SH3D21: variants seen among roughly 807,000 people sequenced by gnomAD.
SH3D21 encodes the protein SH3 domain-containing protein 21.
Under a neutral mutation model 82.1 loss-of-function variants are expected in SH3D21, and 83 were observed. The observed-to-expected ratio is 1.01, with a 90% CI of 0.85 to 1.21. The LOEUF (loss-of-function observed/expected upper bound fraction) is 1.21, where lower values mean the gene tolerates loss of function less well. Ranked by LOEUF, SH3D21 falls within the 50% of genes most tolerant of loss-of-function variation. The probability of loss-of-function intolerance (pLI) is 0.00; values close to 1 mark genes in which losing one functional copy is unlikely to be tolerated. For missense variants in SH3D21, 980 were observed against 962.1 expected (o/e 1.02, Z -0.25); for synonymous variants, 383 against 387.8 (o/e 0.99, Z 0.15).
At position 36,320,689 on chromosome 1, in the gene SH3D21, G is replaced by C. The variant is rs759963988; in HGVS notation, c.2026G>C (p.Val676Leu). The C allele has an allele frequency of 6.2e-7, 1 of 1,614,212 alleles. No homozygotes were observed. The highest frequency in any genetic ancestry group is 2.2e-5 in the East Asian group (1 of 44,890). Residue 676 changes from valine to leucine, a missense_variant, in exon 14 of 16, where the codon GTC (valine) becomes CTC (leucine). Physicochemically the swap from Val to Leu is conservative, Grantham distance 32 (BLOSUM62 1). Coordinates refer to ENST00000453908, the MANE Select transcript of SH3D21 (RefSeq NM_001162530.2). Reference protein sequence around the residue: ...SQETLALPSLVPQNYTENKNE... With the variant: ...SQETLALPSLLPQNYTENKNE... Reference sequence around the variant, plus strand: ...AGAGACGCTCGCGCTCCCCTCGCTGGTCCCGCAAAACTACACGGAAAACAA... The same window carrying C: ...AGAGACGCTCGCGCTCCCCTCGCTGCTCCCGCAAAACTACACGGAAAACAA...
At position 36,319,540 on chromosome 1, in the gene SH3D21, A is replaced by G; in HGVS notation, c.1011+4A>G. ...GCAACGCTCTGTGTCCAGTCAGGTG[A>G]GGGGCGGGAGACATGGGAGAGTGGG... On this transcript the variant is annotated splice_donor_region_variant and intron_variant, in intron 13 of 15. Coordinates refer to ENST00000453908, the MANE Select transcript of SH3D21 (RefSeq NM_001162530.2). 6.4e-7 allele frequency: 1 copy of G among 1,551,640 alleles called. No individual in the cohort carries two copies. The highest frequency in any genetic ancestry group is 8.7e-7 in the Non-Finnish European group (1 of 1,146,974).
chr1:36,327,173 G>A (rs1646553839), downstream of SH3D21, among the ~76,000 whole-genome samples: 1 of 94,056 alleles, frequency 1.1e-5, no homozygotes, highest in Admixed American at 1.4e-4. Context: ...GCTGAGAGGT[G>A]AAGATGAGGC....
downstream of SH3D21, among the ~76,000 whole-genome samples, chr1:36,325,527 G>A (rs1646533164): frequency 6.6e-6 from 1 of 151,990 alleles, no homozygotes; most frequent in East Asian, 1.9e-4. Context: ...AGAATACTGA[G>A]GGACAGTTTT....
chr1:36,322,220 C>A, downstream of SH3D21: 1 of 1,406,678 alleles, frequency 7.1e-7, no homozygotes, highest in Non-Finnish European at 9.2e-7. Context: ...CGAGGCAGTC[C>A]GAAGGTGTGG....
At position 36,306,936 on chromosome 1, in the gene SH3D21, G is replaced by A. The variant is rs562985572; in HGVS notation, c.226+31G>A. ...CGCAAGGGCGGGGACGGGCGCCGGT[G>A]GGCGGGTGCACGGAGCCAGTGCGAC... is the stretch of plus-strand genomic sequence containing the variant. On this transcript the variant is annotated intron_variant, in intron 3 of 15. Coordinates refer to ENST00000453908, the MANE Select transcript of SH3D21 (RefSeq NM_001162530.2). The surrounding 1 kb of genome is among the most constrained non-coding windows in gnomAD (Gnocchi z 4.5). The A allele has an allele frequency of 6.6e-4, 884 of 1,334,796 alleles. 3 individuals carry two copies. Among genetic ancestry groups the A allele is most frequent in the Non-Finnish European group, 6.9e-4 (714 of 1,029,600 alleles). The allele number at this position is 1,334,796 out of a possible 1,614,324, so 82.7% of individuals were successfully genotyped here.
At position 36,320,972 on chromosome 1, in the gene SH3D21, G is replaced by T; in HGVS notation, c.2193G>T (p.Arg731=). The change falls in exon 15 of 16, where the codon CGG becomes CGT. Residue 731 remains arginine, a synonymous_variant. Coordinates refer to ENST00000453908, the MANE Select transcript of SH3D21 (RefSeq NM_001162530.2). ...AGAGCGAGAAGGAGCAGCGCCGGCG[G>T]CTGGAGGTGAGGCGCGGGTCCCGGC... ...ELKSEKEQRR[R]LEVQVMQGTQ... 6.4e-7 allele frequency: 1 copy of T among 1,571,694 alleles called. No individual in the cohort carries two copies. The highest frequency in any genetic ancestry group is 1.2e-5 in the South Asian group (1 of 86,324).
rs966205694 is a variant in SH3D21, at chr1:36,306,886, G to A, written c.207G>A (p.Pro69=). The A allele has an allele frequency of 7.7e-6, 10 of 1,306,672 alleles. No individual in the cohort carries two copies. In the Admixed American group the frequency reaches 2.1e-4, roughly 27 times the overall value. The allele number at this position is 1,306,672 out of a possible 1,614,324, so 80.9% of individuals were successfully genotyped here. Residue 69 remains proline (P), a synonymous_variant, in exon 3 of 16, where the codon CCG becomes CCA. Coordinates refer to ENST00000453908, the MANE Select transcript of SH3D21 (RefSeq NM_001162530.2). The surrounding 1 kb of genome is among the most constrained non-coding windows in gnomAD (Gnocchi z 4.5). ...GGGGCTCCGGAGAGGCGCGGAGGCC[G>A]CGCTGTGCGCGCCGCCGAGGTGAGC... The part of the protein sequence containing the change: ...TLRGSGEARR[P]RCARRRGHPA...
Position 36,312,315 on chromosome 1 carries a change from A to G in SH3D21, c.769+2725A>G, listed in dbSNP as rs189890266. ...TGGGATTACAGGCGTGAGCCACCGC[A>G]CACGGCCATAAGACCATAATTTTCA... On this transcript the variant is annotated intron_variant, in intron 10 of 15. Transcript: ENST00000453908. 2.3e-3 allele frequency among the ~76,000 whole-genome samples: 353 copies of G among 152,290 alleles called. 2 individuals carry two copies. The highest frequency in any genetic ancestry group is 1.5e-3 in the Non-Finnish European group (100 of 68,026).
intron 9 of SH3D21, among the ~76,000 whole-genome samples, chr1:36,308,890 G>A (rs915435389): frequency 2.6e-5 from 4 of 151,892 alleles, no homozygotes; most frequent in South Asian, 4.2e-4. Flanking sequence ...GGCGGAGGTT[G>A]CAGTGAGCCG....
At chr1:36,316,190 G>T (rs1646339676) in intron 10 of SH3D21, among the ~76,000 whole-genome samples, 2 of 152,118 alleles carry the variant, frequency 1.3e-5, no homozygotes, top group East Asian at 3.9e-4. Flanking sequence ...GCAGGCCTTA[G>T]TAGAAGAAGA....
In SH3D21 at chr1:36,308,705, C is replaced by T. The variant is rs150481895; in HGVS notation, c.726+230C>T. Among the ~76,000 whole-genome samples, 364 of 152,254 alleles carry T rather than the reference C, an allele frequency of 2.4e-3. 1 individual carries two copies. The highest frequency in any genetic ancestry group is 8.4e-3 in the African/African-American group (350 of 41,544). ...TTTTGCATATACATGAGATAGCTGC[C>T]GGGTACGGTGGCTCACGCCTGTAAT... is the stretch of plus-strand genomic sequence containing the variant. On this transcript the variant is annotated intron_variant, in intron 9 of 15. Transcript: ENST00000453908.
At chr1:36,322,961 C>T, downstream of SH3D21, 1 of 1,606,352 alleles carries the variant, frequency 6.2e-7, no homozygotes, top group Non-Finnish European at 8.5e-7. Flanking sequence ...CTTCCGGCGC[C>T]CGCCCTCACC....
At chr1:36,329,617 C>T (rs138672966), downstream of SH3D21, among the ~76,000 whole-genome samples, 16 of 152,188 alleles carry the variant, frequency 1.1e-4, no homozygotes, top group African/African-American at 3.1e-4. Context: ...GAAAGATTCC[C>T]GCCCTTATTC....
rs759113126 is a variant in SH3D21 at position 36,321,161 on chromosome 1, G to A, written c.*34G>A. On this transcript the variant is annotated 3_prime_UTR_variant, in exon 16 of 16. Transcript: ENST00000453908. This position sits in a 1 kb window ranked among gnomAD's most constrained non-coding sequence, Gnocchi z 6.1. ...CTGGGAAGGGACCGCGGCCTGACCT[G>A]GCTGGGGCCACCCACGTCCTTGCAC... 6.2e-7 allele frequency: 1 copy of A among 1,601,272 alleles called. No individual in the cohort carries two copies. Among genetic ancestry groups the A allele is most frequent in the South Asian group, 1.1e-5 (1 of 89,186 alleles).
chr1:36,314,136 C>T (rs1646297769), intron 10 of SH3D21, among the ~76,000 whole-genome samples: 1 of 150,936 alleles, frequency 6.6e-6, no homozygotes, highest in Non-Finnish European at 1.5e-5. Flanking sequence ...CCACCACACC[C>T]AGCTAATTTT....
intron 10 of SH3D21, among the ~76,000 whole-genome samples, chr1:36,314,068 G>A (rs1455550895): frequency 1.5e-5 from 2 of 137,564 alleles, no homozygotes; most frequent in South Asian, 2.4e-4. Flanking sequence ...TCTGCCTCCC[G>A]GGTTCACGCC....
At position 36,308,324 on chromosome 1, in the gene SH3D21, G is replaced by C. The variant is rs571890648; in HGVS notation, c.640-65G>C. The C allele has an allele frequency of 2.0e-6, 3 of 1,506,026 alleles. No homozygotes were observed. The South Asian group carries it at 3.6e-5, about 18-fold the overall frequency. The allele number at this position is 1,506,026 out of a possible 1,614,324, so 93.3% of individuals were successfully genotyped here. On this transcript the variant is annotated intron_variant, in intron 8 of 15. Transcript: ENST00000453908. Reference sequence around the variant, plus strand: ...GTTGAAATTATATCCATAAGAAGGAGTGGGACCCCGGAAAGGACCTTGGGG... The same window carrying C: ...GTTGAAATTATATCCATAAGAAGGACTGGGACCCCGGAAAGGACCTTGGGG...
chr1:36,325,547 GTTTGTT>G (rs1237609324), downstream of SH3D21, among the ~76,000 whole-genome samples: 2 of 151,394 alleles, frequency 1.3e-5, no homozygotes, highest in African/African-American at 4.9e-5. Context: ...TTTTTTTGTT[GTTTGTT>G]TTTGTTTTTG....
rs767624105 is a variant in SH3D21, at chr1:36,313,972, C to CTTT, written c.769+4400_769+4402dup. On this transcript the variant is annotated intron_variant, in intron 10 of 15. Transcript: ENST00000453908. The stretch of plus-strand genomic sequence containing the variant: ...TGGCTAATGATGCTGAACATATTTT[C>CTTT]TTTTTTTTTTTTTTTTTTTTGAGAC... Among the ~76,000 whole-genome samples the CTTT allele has an allele frequency of 5.9e-3, 219 of 36,820 alleles. 75 individuals are homozygous for CTTT. The highest frequency in any genetic ancestry group is 0.013 in the African/African-American group (167 of 13,276). 24.2% of individuals were successfully genotyped at this position (36,820 alleles called of 152,430 possible). A position where few individuals can be genotyped will look rare whatever the true frequency, so the allele number is the denominator to read the frequency against.
Sources: gnomAD v4.1 joint callset for allele counts (sites outside exome capture counted in the v4.1 genomes callset) on GRCh38, gnomAD v4.1.1 for gene constraint, Gnocchi (gnomAD v3.1) non-coding constraint, MANE v1.5 for transcripts, NCBI Gene and HGNC (gene_info 2026-07-23, HGNC 2026-07-21) for gene names.